Variants in TNNI2 observed in about 807,000 individuals in gnomAD.
The protein encoded by TNNI2 is troponin I2, fast skeletal type, also known as troponin I, fast skeletal muscle.
TNNI2 carries 14 observed loss-of-function variants against 26.5 expected under a neutral mutation model. That is an observed-to-expected ratio of 0.53 (90% CI 0.35 to 0.83). The LOEUF (loss-of-function observed/expected upper bound fraction) is 0.83, where lower values mean the gene tolerates loss of function less well. Among genes scored for constraint, TNNI2 ranks in the 40% least tolerant of loss-of-function variants. TNNI2 has a pLI of 0.01. For missense variants in TNNI2, 205 were observed against 248.5 expected, an observed-to-expected ratio of 0.82 and a Z score of 1.18; for synonymous variants, 126 against 97.6, an observed-to-expected ratio of 1.29 and a Z score of -1.71.
rs139820259 is a variant in TNNI2 at position 1,840,620 on chromosome 11, G to C, written c.150G>C (p.Pro50=). 6.2e-7 allele frequency: 1 copy of C among 1,612,848 alleles called. No homozygotes were observed. Among genetic ancestry groups the C allele is most frequent in the South Asian group, 1.1e-5 (1 of 91,084 alleles). ...EKQNYLAEHC[P]PLHIPGSMSE... ...AGAACTACCTGGCGGAGCACTGCCCGCCGCTGCATATCCCGGGCTCCATGT... is the reference window on the plus strand; with the variant it reads ...AGAACTACCTGGCGGAGCACTGCCCCCCGCTGCATATCCCGGGCTCCATGT... Residue 50 remains proline, a synonymous_variant, in exon 5 of 8, where the codon CCG becomes CCC. Coordinates refer to ENST00000381911, the MANE Select transcript of TNNI2 (RefSeq NM_003282.4).
chr11:1,841,240 A>C (rs969646839), intron 7 of TNNI2, 33 bp downstream of exon 7: 2 of 1,600,434 alleles, frequency 1.2e-6, no homozygotes, highest in East Asian at 2.3e-5. Flanking sequence ...CACCACACCT[A>C]CCCTGCCGGG....
intron 3 of TNNI2, 134 bp downstream of exon 3, chr11:1,839,989 C>A: frequency 7.4e-7 from 1 of 1,356,128 alleles, no homozygotes. Flanking sequence ...AAAAGTGCCC[C>A]ACCCACCCAC....
chr11:1,841,569 C>T lies in TNNI2; in HGVS notation c.*18C>T, dbSNP rs780448902. On this transcript the variant is annotated 3_prime_UTR_variant, in exon 8 of 8. Transcript: ENST00000381911. ...AGTCCTAGGCCACTCGCTGCCCCTA[C>T]GCCTGCCCCGGTGCCCGGCTCCCAG... 3.8e-5 allele frequency: 61 copies of T among 1,611,620 alleles called. No homozygotes were observed. The highest frequency in any genetic ancestry group is 4.6e-5 in the Non-Finnish European group (54 of 1,178,010).
chr11:1,840,575 C>T lies in TNNI2; in HGVS notation c.105C>T (p.Ser35=), dbSNP rs1462064702. ...CCACGGAGCTGGAGAAGGAGGAGAGCCGCCGTGAGGCAGAGAAGCAGAACT... is the reference window on the plus strand; with the variant it reads ...CCACGGAGCTGGAGAAGGAGGAGAGTCGCCGTGAGGCAGAGAAGCAGAACT... The part of the protein sequence containing the change: ...IAATELEKEE[S]RREAEKQNYL... Residue 35 remains serine, a synonymous_variant, in exon 5 of 8, where the codon AGC becomes AGT. Coordinates refer to ENST00000381911, the MANE Select transcript of TNNI2 (RefSeq NM_003282.4). 5.0e-6 allele frequency: 8 copies of T among 1,612,606 alleles called. No homozygotes were observed. The African/African-American group carries it at 1.1e-4, about 22-fold the overall frequency.
chr11:1,840,392 C>A lies in TNNI2; in HGVS notation c.16-11C>A, dbSNP rs1294563266. The A allele has an allele frequency of 2.5e-6, 4 of 1,608,050 alleles. No individual in the cohort carries two copies. The highest frequency in any genetic ancestry group is 3.4e-6 in the Non-Finnish European group (4 of 1,178,322). On this transcript the variant is annotated splice_polypyrimidine_tract_variant and intron_variant, in intron 3 of 7. Transcript: ENST00000381911. ...AGGCCCTGACTCGACCCCCTGTCCC[C>A]TGCCCTGCAGAAGCGGAACAGGGCC...
At chr11:1,840,104 C>T (rs1031669203) in intron 3 of TNNI2, 9 of 1,192,090 alleles carry the variant, frequency 7.5e-6, no homozygotes, top group Non-Finnish European at 9.6e-6. Context: ...TTTCTGATTC[C>T]TGCACTTCCC....
chr11:1,840,119 C>T, intron 3 of TNNI2: 2 of 1,277,358 alleles, frequency 1.6e-6, no homozygotes, highest in South Asian at 1.3e-5. Context: ...CTTCCCGCCC[C>T]CACCTCACCG....
In TNNI2 at chr11:1,840,511, C is replaced by A. The variant is rs773749070; in HGVS notation, c.58-17C>A. 3 of 1,611,140 alleles carry A rather than the reference C, an allele frequency of 1.9e-6. No homozygotes were observed. The highest frequency in any genetic ancestry group is 2.5e-6 in the Non-Finnish European group (3 of 1,179,356). On this transcript the variant is annotated splice_polypyrimidine_tract_variant and intron_variant, in intron 4 of 7. Transcript: ENST00000381911. Reference sequence around the variant, plus strand: ...AGGGGAGCTGGCTGCAGCCCCTCACCGCCTGCCCCACCGCAGAGTGTGATG... The same window carrying A: ...AGGGGAGCTGGCTGCAGCCCCTCACAGCCTGCCCCACCGCAGAGTGTGATG...
Position 1,840,658 on chromosome 11 carries a change from T to G in TNNI2, c.186+2T>G. ...CCGGGCTCCATGTCTGAAGTGCAGG[T>G]ACCAGCCCCTCCCCGGCCACCCCGC... On this transcript the variant is annotated splice_donor_variant, in intron 5 of 7. Transcript: ENST00000381911. LOFTEE classifies it high-confidence loss of function. The G allele has an allele frequency of 6.2e-7, 1 of 1,612,602 alleles. No individual in the cohort carries two copies. The highest frequency in any genetic ancestry group is 8.5e-7 in the Non-Finnish European group (1 of 1,179,842).
At chr11:1,839,820 T>C in intron 2 of TNNI2, 29 bp from the exon 3 acceptor site, 1 of 1,613,764 alleles carries the variant, frequency 6.2e-7, no homozygotes, top group Non-Finnish European at 8.5e-7. Flanking sequence ...TCTCTCCCCG[T>C]CCTGCCTGCG....
chr11:1,840,829 A>C lies in TNNI2; in HGVS notation c.197A>C (p.Lys66Thr). Residue 66 changes from lysine (K) to threonine (T), a missense_variant, in exon 6 of 8, where the codon AAA (lysine) becomes ACA (threonine). Physicochemically the swap from Lys to Thr is moderately conservative, Grantham distance 78. Transcript: ENST00000381911. ...CACACCCACCCCTAGGAGCTCTGCA[A>C]ACAGCTGCACGCCAAGATCGATGCG... ...GSMSEVQELC[K>T]QLHAKIDAAE... 1 of 1,612,736 alleles carries C rather than the reference A, an allele frequency of 6.2e-7. No individual in the cohort carries two copies. Among genetic ancestry groups the C allele is most frequent in the Non-Finnish European group, 8.5e-7 (1 of 1,179,680 alleles).
chr11:1,840,348 G>C, intron 3 of TNNI2, 55 bp from the exon 4 acceptor site: 1 of 1,572,982 alleles, frequency 6.4e-7, no homozygotes, highest in East Asian at 2.3e-5. Context: ...GGAAGGGGGT[G>C]GGGGTGCTCC....
At position 1,840,924 on chromosome 11, in the gene TNNI2, G is replaced by T; in HGVS notation, c.276+16G>T. ...CAGCAAGGAGGTGAGTGGTGGCGGC[G>T]GGCCGGCGGCAGGCGGGTAGGCGGT... On this transcript the variant is annotated intron_variant, in intron 6 of 7. Transcript: ENST00000381911. 1 of 1,609,480 alleles carries T rather than the reference G, an allele frequency of 6.2e-7. No homozygotes were observed. The highest frequency in any genetic ancestry group is 8.5e-7 in the Non-Finnish European group (1 of 1,178,116).
rs754515623 is a variant in TNNI2 at position 1,840,547 on chromosome 11, C to T, written c.77C>T (p.Ala26Val). 2.2e-5 allele frequency: 35 copies of T among 1,612,236 alleles called. No homozygotes were observed. The highest frequency in any genetic ancestry group is 8.0e-5 in the African/African-American group (6 of 74,938). ...CCGCAGAGTGTGATGCTGCAGATAG[C>T]GGCCACGGAGCTGGAGAAGGAGGAG... ...QHLKSVMLQIAATELEKEESR... is the reference protein window; with the variant it reads ...QHLKSVMLQIVATELEKEESR... Residue 26 changes from alanine (A) to valine (V), a missense_variant, in exon 5 of 8, where the codon GCG (alanine) becomes GTG (valine). Transcript: ENST00000381911.
Position 1,840,458 on chromosome 11 carries a change from C to A in TNNI2, c.57+14C>A, listed in dbSNP as rs754039857. The A allele has an allele frequency of 1.1e-5, 17 of 1,610,718 alleles. No homozygotes were observed. The highest frequency in any genetic ancestry group is 1.3e-5 in the Non-Finnish European group (15 of 1,179,482). On this transcript the variant is annotated intron_variant, in intron 4 of 7. Coordinates refer to ENST00000381911, the MANE Select transcript of TNNI2 (RefSeq NM_003282.4). ...CAGCACCTGAAGGTAGGTGTGGGCTCCCGGGGGGGTGGCCCAGGTGGGTCT... is the reference window on the plus strand; with the variant it reads ...CAGCACCTGAAGGTAGGTGTGGGCTACCGGGGGGGTGGCCCAGGTGGGTCT...
chr11:1,840,579 C>G lies in TNNI2; in HGVS notation c.109C>G (p.Arg37Gly). The change falls in exon 5 of 8, where the codon CGT (arginine) becomes GGT (glycine). Residue 37 changes from arginine to glycine, a missense_variant. Arg to Gly is a moderately radical substitution (Grantham distance 125, BLOSUM62 -2). Coordinates refer to ENST00000381911, the MANE Select transcript of TNNI2 (RefSeq NM_003282.4). ...GGAGCTGGAGAAGGAGGAGAGCCGCCGTGAGGCAGAGAAGCAGAACTACCT... is the reference window on the plus strand; with the variant it reads ...GGAGCTGGAGAAGGAGGAGAGCCGCGGTGAGGCAGAGAAGCAGAACTACCT... ...ATELEKEESRREAEKQNYLAE... is the reference protein window; with the variant it reads ...ATELEKEESRGEAEKQNYLAE... The G allele has an allele frequency of 6.2e-7, 1 of 1,612,772 alleles. No homozygotes were observed. The highest frequency in any genetic ancestry group is 8.5e-7 in the Non-Finnish European group (1 of 1,179,866).
chr11:1,840,114 C>T (rs1010551440), intron 3 of TNNI2: 84 of 1,225,114 alleles, frequency 6.9e-5, no homozygotes, highest in Non-Finnish European at 9.0e-5. Context: ...CTGCACTTCC[C>T]GCCCCCACCT....
Position 1,840,833 on chromosome 11 carries a change from G to A in TNNI2, c.201G>A (p.Gln67=). The A allele has an allele frequency of 6.2e-7, 1 of 1,612,690 alleles. No individual in the cohort carries two copies. The highest frequency in any genetic ancestry group is 8.5e-7 in the Non-Finnish European group (1 of 1,179,536). The change falls in exon 6 of 8, where the codon CAG becomes CAA. Residue 67 remains glutamine (Q), a synonymous_variant. Coordinates refer to ENST00000381911, the MANE Select transcript of TNNI2 (RefSeq NM_003282.4). ...CCCACCCCTAGGAGCTCTGCAAACA[G>A]CTGCACGCCAAGATCGATGCGGCTG... ...SMSEVQELCK[Q]LHAKIDAAEE... is the part of the protein sequence containing the mutation.
Position 1,841,464 on chromosome 11 carries a change from C to T in TNNI2, c.462C>T (p.Asp154=). 3.7e-6 allele frequency: 6 copies of T among 1,614,110 alleles called. No individual in the cohort carries two copies. In the South Asian group the frequency reaches 5.5e-5, roughly 15 times the overall value. The change falls in exon 8 of 8, where the codon GAC becomes GAT. Residue 154 remains aspartate, a synonymous_variant. Transcript: ENST00000381911. ...VKKEDTEKER[D]LRDVGDWRKN... ...TGCCCTCTCCTCCACAGGAGCGGGA[C>T]CTGCGAGACGTGGGTGACTGGAGGA...
Sources: gnomAD v4.1 joint callset for allele counts on GRCh38, gnomAD v4.1.1 for gene constraint, MANE v1.5 for transcripts, NCBI Gene and HGNC (gene_info 2026-07-23, HGNC 2026-07-21) for gene names.